Variants in NSD2 observed in about 807,000 individuals in gnomAD.
The protein encoded by NSD2 is histone-lysine N-methyltransferase NSD2.
Under a neutral mutation model 139.0 loss-of-function variants are expected in NSD2, and 12 were observed. The observed-to-expected ratio is 0.09, with a 90% CI of 0.06 to 0.14. NSD2 has a LOEUF of 0.14. Among genes scored for constraint, NSD2 ranks in the 10% least tolerant of loss-of-function variants. The pLI is 1.00. For synonymous variants in NSD2, 669 were observed against 648.7 expected, an observed-to-expected ratio of 1.03 and a Z score of -0.48; for missense variants, 1,155 against 1,745.0, an observed-to-expected ratio of 0.66 and a Z score of 6.02.
At chr4:1,938,130 A>G (rs1052400275) in intron 7 of NSD2, among the ~76,000 whole-genome samples, 4 of 152,198 alleles carry the variant, frequency 2.6e-5, no homozygotes, top group Non-Finnish European at 5.9e-5. Context: ...TGTCTTAACC[A>G]CATGACTGCA....
At chr4:1,944,731 C>T (rs1240112706) in intron 9 of NSD2, 3 of 1,064,724 alleles carry the variant, frequency 2.8e-6, no homozygotes, top group East Asian at 1.0e-4. Flanking sequence ...GCCATTGGGC[C>T]ATCAAGCCTT....
intron 5 of NSD2, chr4:1,918,911 G>A: frequency 3.7e-6 from 1 of 272,332 alleles, no homozygotes; most frequent in Non-Finnish European, 7.0e-6. Flanking sequence ...ACTTTGGGAG[G>A]CCAAGGCGGG....
At chr4:1,911,594 A>C (rs1718684277) in intron 3 of NSD2, among the ~76,000 whole-genome samples, 1 of 141,698 alleles carries the variant, frequency 7.1e-6, no homozygotes, top group Non-Finnish European at 1.6e-5. Flanking sequence ...TCTCAAAAAA[A>C]AAAAAAAAAA....
intron 5 of NSD2, 132 bp downstream of exon 5, chr4:1,918,755 A>T (rs1034305837): frequency 3.2e-5 from 41 of 1,279,928 alleles, no homozygotes; most frequent in Admixed American, 2.2e-4. Context: ...TAGATCTAAT[A>T]AATAAGTATT....
chr4:1,935,141 A>G lies in NSD2; in HGVS notation c.1556-3A>G, dbSNP rs746459297. 1.2e-6 allele frequency: 2 copies of G among 1,604,828 alleles called. No individual in the cohort carries two copies. Among genetic ancestry groups the G allele is most frequent in the Non-Finnish European group, 8.5e-7 (1 of 1,173,984 alleles). ...GTACATTTTCCCCATTCCCCATTCCAAGGTAATGTAAATGGGAAAAAAAGA... is the reference window on the plus strand; with the variant it reads ...GTACATTTTCCCCATTCCCCATTCCGAGGTAATGTAAATGGGAAAAAAAGA... On this transcript the variant is annotated splice_polypyrimidine_tract_variant and splice_region_variant and intron_variant, in intron 6 of 21. Transcript: ENST00000508803.
chr4:1,916,497 C>T (rs1051552979), intron 3 of NSD2, among the ~76,000 whole-genome samples: 2 of 152,156 alleles, frequency 1.3e-5, no homozygotes, highest in Non-Finnish European at 2.9e-5. Flanking sequence ...AGGTGCACAC[C>T]ACCACACCCG....
chr4:1,906,948 A>G (rs949881854), intron 3 of NSD2, among the ~76,000 whole-genome samples: 1 of 152,114 alleles, frequency 6.6e-6, no homozygotes, highest in Non-Finnish European at 1.5e-5. Flanking sequence ...GGCGTGAGCC[A>G]CCGTGCCCGG....
At chr4:1,929,853 G>T (rs1353722283) in intron 5 of NSD2, among the ~76,000 whole-genome samples, 1 of 152,108 alleles carries the variant, frequency 6.6e-6, no homozygotes, top group Non-Finnish European at 1.5e-5. Flanking sequence ...GACCCGGTGG[G>T]TTGGGTTGAT....
At chr4:1,945,000 G>A (rs1260028605) in intron 9 of NSD2, 2 of 1,064,696 alleles carry the variant, frequency 1.9e-6, no homozygotes, top group East Asian at 5.0e-5. Flanking sequence ...CTTTCATGTC[G>A]TGAAAGGCAG....
intron 16 of NSD2, 30 bp from the exon 17 acceptor site, chr4:1,959,441 G>A (rs1290062065): frequency 2.5e-6 from 4 of 1,603,586 alleles, no homozygotes; most frequent in Non-Finnish European, 3.4e-6. Flanking sequence ...TCTCATGTGT[G>A]GACCAAGACA....
intron 18 of NSD2, among the ~76,000 whole-genome samples, chr4:1,962,005 A>G (rs944833722): frequency 2.0e-5 from 3 of 152,280 alleles, no homozygotes; most frequent in African/African-American, 7.2e-5. Flanking sequence ...AAAACCAGAT[A>G]GAAAATGATC....
intron 1 of NSD2, among the ~76,000 whole-genome samples, chr4:1,873,022 A>G (rs1232248654): frequency 1.3e-5 from 2 of 152,192 alleles, no homozygotes; most frequent in East Asian, 3.8e-4. Flanking sequence ...CATTCCCCAC[A>G]ACTGATGGTG....
chr4:1,959,760 C>G lies in NSD2; in HGVS notation c.3255+20C>G. On this transcript the variant is annotated intron_variant, in intron 17 of 21. Transcript: ENST00000508803. ...AGAAAGGTATGTGTCGTTATCCCCT[C>G]CCCTGCTTTTGAGAAATTACGGTTC... 2.5e-6 allele frequency: 4 copies of G among 1,603,608 alleles called. No individual in the cohort carries two copies. Among genetic ancestry groups the G allele is most frequent in the Non-Finnish European group, 3.4e-6 (4 of 1,171,156 alleles).
intron 15 of NSD2, among the ~76,000 whole-genome samples, chr4:1,957,545 C>T (rs577785181): frequency 8.6e-5 from 13 of 151,856 alleles, no homozygotes; most frequent in African/African-American, 3.1e-4. Context: ...GCCTCGGCCT[C>T]CCAAAGTGCT....
chr4:1,942,768 T>C lies in NSD2; in HGVS notation c.1881+2990T>C, dbSNP rs979362771. The C allele has an allele frequency of 1.3e-5, 14 of 1,082,634 alleles. No homozygotes were observed. Among genetic ancestry groups the C allele is most frequent in the South Asian group, 1.2e-4 (3 of 24,214 alleles). The allele number at this position is 1,082,634 out of a possible 1,614,324, so 67.1% of individuals were successfully genotyped here. A position where few individuals can be genotyped will look rare whatever the true frequency, so the allele number is the denominator to read the frequency against. On this transcript the variant is annotated intron_variant, in intron 9 of 21. Coordinates refer to ENST00000508803, the MANE Select transcript of NSD2 (RefSeq NM_001042424.3). This position sits in a 1 kb window ranked among gnomAD's most constrained non-coding sequence, Gnocchi z 4.0. ...CTCTAGTTTGTAACTTACTGGACTT[T>C]TGTGGAAAATATCAGCGTCGCTACC...
At position 1,889,026 on chromosome 4, in the gene NSD2, T is replaced by C. The variant is rs181648487; in HGVS notation, c.-29-11600T>C. The stretch of plus-strand genomic sequence containing the variant: ...GATTCTTCTGCCTCAGCCTCCCGAA[T>C]AGCTGGGATTACAGGCACCCGCTAC... On this transcript the variant is annotated intron_variant, in intron 1 of 21. Coordinates refer to ENST00000508803, the MANE Select transcript of NSD2 (RefSeq NM_001042424.3). Among the ~76,000 whole-genome samples, 5 of 151,710 alleles carry C rather than the reference T, an allele frequency of 3.3e-5. No homozygotes were observed. The South Asian group carries it at 1.0e-3, about 32-fold the overall frequency.
Position 1,901,179 on chromosome 4 carries a change from T to C in NSD2, c.525T>C (p.Tyr175=). ...ARRNRKRSIK[Y]DSLLEQGLVE... ...GGAACAGGAAGAGGAGCATAAAATA[T>C]GACTCCTTGCTGGAGCAGGGCCTTG... The change falls in exon 2 of 22, where the codon TAT becomes TAC. Residue 175 remains tyrosine, a synonymous_variant. Transcript: ENST00000508803. 2 of 1,613,356 alleles carry C rather than the reference T, an allele frequency of 1.2e-6. No homozygotes were observed. Among genetic ancestry groups the C allele is most frequent in the South Asian group, 1.1e-5 (1 of 90,916 alleles).
chr4:1,936,893 C>T (rs1376430412), intron 7 of NSD2, among the ~76,000 whole-genome samples: 1 of 152,136 alleles, frequency 6.6e-6, no homozygotes, highest in Non-Finnish European at 1.5e-5. Context: ...GCAGGCCCTG[C>T]GCCATTTTTC....
Position 1,879,014 on chromosome 4 carries a change from G to A in NSD2, c.-30+7472G>A, listed in dbSNP as rs1340152096. On this transcript the variant is annotated intron_variant, in intron 1 of 21. Coordinates refer to ENST00000508803, the MANE Select transcript of NSD2 (RefSeq NM_001042424.3). ...ACCAGGGGAAGGGAAAGTGGGCCTC[G>A]CTTCTGACCTACCTTATTTCCTTCC... 3.3e-5 allele frequency among the ~76,000 whole-genome samples: 5 copies of A among 151,982 alleles called. No homozygotes were observed. In the South Asian group the frequency reaches 6.2e-4, roughly 19 times the overall value.
Sources: gnomAD v4.1 joint callset for allele counts (sites outside exome capture counted in the v4.1 genomes callset) on GRCh38, gnomAD v4.1.1 for gene constraint, Gnocchi (gnomAD v3.1) non-coding constraint, MANE v1.5 for transcripts, NCBI Gene and HGNC (gene_info 2026-07-23, HGNC 2026-07-21) for gene names.